The following NRXN1 variants were observed in gnomAD, a reference collection of about 807,000 sequenced individuals.
NRXN1 encodes neurexin 1.
In NRXN1, 39 loss-of-function variants were observed where a neutral mutation model predicts 150.9. That is an observed-to-expected ratio of 0.26 (90% CI 0.20 to 0.34). NRXN1 has a LOEUF of 0.34. Ranked by LOEUF, NRXN1 falls within the 10% of genes least tolerant of loss-of-function variation. The pLI is 1.00. For synonymous variants in NRXN1, 924 were observed against 757.0 expected (o/e 1.22, Z -3.62); for missense variants, 1,815 against 1,949.9 (o/e 0.93, Z 1.30).
intron 17 of NRXN1, among the ~76,000 whole-genome samples, chr2:50,318,134 AG>A (rs995308041): frequency 6.6e-6 from 1 of 152,102 alleles, no homozygotes; most frequent in African/African-American, 2.4e-5. Context: ...ATAATCTAAT[AG>A]GAAAAAAATG....
At chr2:50,293,470 A>T (rs1003791043) in intron 17 of NRXN1, among the ~76,000 whole-genome samples, 2 of 152,210 alleles carry the variant, frequency 1.3e-5, no homozygotes, top group Admixed American at 1.3e-4. Context: ...ATAGGGAAGA[A>T]GCGGGGGAGA....
At chr2:50,152,439 C>CCA in intron 18 of NRXN1, among the ~76,000 whole-genome samples, 1 of 151,818 alleles carries the variant, frequency 6.6e-6, no homozygotes, top group East Asian at 1.9e-4. Flanking sequence ...TCCTTAACCA[C>CCA]AGGGAATATG....
intron 5 of NRXN1, among the ~76,000 whole-genome samples, chr2:50,716,374 G>C (rs959536586): frequency 5.3e-5 from 8 of 151,954 alleles, no homozygotes; most frequent in African/African-American, 1.9e-4. Flanking sequence ...ACTTTGGGAG[G>C]AATCTGTCCA....
intron 18 of NRXN1, among the ~76,000 whole-genome samples, chr2:50,232,736 G>C (rs2065064436): frequency 6.6e-6 from 1 of 151,922 alleles, no homozygotes; most frequent in African/African-American, 2.4e-5. Context: ...TCTGCCATCA[G>C]AAAGTTTATT....
chr2:49,952,080 T>TG (rs1674068599), intron 21 of NRXN1, among the ~76,000 whole-genome samples: 1 of 152,022 alleles, frequency 6.6e-6, no homozygotes, highest in African/African-American at 2.4e-5. Context: ...AAATTTTAAT[T>TG]GGCCACAGTT....
chr2:50,897,031 T>C (rs768150899), intron 5 of NRXN1, among the ~76,000 whole-genome samples: 6 of 152,052 alleles, frequency 3.9e-5, no homozygotes, highest in Non-Finnish European at 8.8e-5. Flanking sequence ...GTCTGAAAAT[T>C]CTCCTAGAAA....
chr2:50,075,585 G>C (rs1696958719), intron 19 of NRXN1, among the ~76,000 whole-genome samples: 1 of 152,182 alleles, frequency 6.6e-6, no homozygotes, highest in African/African-American at 2.4e-5. Context: ...AAATGTTCCA[G>C]ATTGCCTCAA....
chr2:50,402,559 TAC>T (rs1329778953), intron 17 of NRXN1, among the ~76,000 whole-genome samples: 8 of 152,102 alleles, frequency 5.3e-5, no homozygotes, highest in African/African-American at 1.9e-4. Flanking sequence ...GCTGGTCGAT[TAC>T]GGAAGTAGTA....
At chr2:50,580,030 G>A (rs886845069) in intron 8 of NRXN1, among the ~76,000 whole-genome samples, 3 of 152,124 alleles carry the variant, frequency 2.0e-5, no homozygotes, top group African/African-American at 7.2e-5. Context: ...TTCCCATGAG[G>A]TTTGAGAACA....
chr2:50,549,265 A>T (rs1252820878), intron 9 of NRXN1, among the ~76,000 whole-genome samples: 2 of 152,184 alleles, frequency 1.3e-5, no homozygotes, highest in African/African-American at 2.4e-5. Flanking sequence ...AAACCAATGC[A>T]GTGTGCAAAT....
intron 17 of NRXN1, among the ~76,000 whole-genome samples, chr2:50,437,661 G>C (rs2085558692): frequency 6.6e-6 from 1 of 152,040 alleles, no homozygotes; most frequent in Admixed American, 6.6e-5. Flanking sequence ...AATTATGCTA[G>C]TCAGTTCCTA....
chr2:50,169,534 G>T (rs1294085252), intron 18 of NRXN1, among the ~76,000 whole-genome samples: 1 of 152,028 alleles, frequency 6.6e-6, no homozygotes, highest in Non-Finnish European at 1.5e-5. Context: ...CCAACACAGT[G>T]AAACCCCATC....
intron 5 of NRXN1, among the ~76,000 whole-genome samples, chr2:50,691,111 T>G (rs1692010287): frequency 6.6e-6 from 1 of 152,314 alleles, no homozygotes; most frequent in Non-Finnish European, 1.5e-5. Flanking sequence ...ATGACCATAA[T>G]TTCTTTATAG....
intron 21 of NRXN1, among the ~76,000 whole-genome samples, chr2:49,983,213 T>C (rs924318632): frequency 6.6e-6 from 1 of 152,194 alleles, no homozygotes; most frequent in African/African-American, 2.4e-5. Flanking sequence ...TTCTTTTCTT[T>C]TTCCTAGATT....
intron 17 of NRXN1, among the ~76,000 whole-genome samples, chr2:50,438,691 C>A (rs2085663366): frequency 6.6e-6 from 1 of 152,058 alleles, no homozygotes; most frequent in South Asian, 2.1e-4. Flanking sequence ...TAGACCTGTC[C>A]TAAGTTTTAC....
intron 5 of NRXN1, among the ~76,000 whole-genome samples, chr2:50,823,640 A>G (rs1418960129): frequency 1.3e-5 from 2 of 152,144 alleles, no homozygotes; most frequent in African/African-American, 4.8e-5. Flanking sequence ...TCTACATGCT[A>G]ATTAAGTACG....
chr2:50,680,821 T>C (rs1038770394), intron 5 of NRXN1, among the ~76,000 whole-genome samples: 8 of 152,040 alleles, frequency 5.3e-5, no homozygotes, highest in African/African-American at 1.9e-4. Flanking sequence ...GATTCAAGGT[T>C]ATGCTATTCA....
At chr2:50,957,419 G>A (rs1015893691) in intron 2 of NRXN1, among the ~76,000 whole-genome samples, 6 of 152,104 alleles carry the variant, frequency 3.9e-5, no homozygotes, top group African/African-American at 1.4e-4. Context: ...ATCATAACTG[G>A]GAGTGGATAT....
intron 17 of NRXN1, among the ~76,000 whole-genome samples, chr2:50,313,532 A>G (rs927798442): frequency 2.6e-5 from 4 of 152,128 alleles, no homozygotes; most frequent in African/African-American, 9.7e-5. Flanking sequence ...GCTAGCAAGC[A>G]TTAGACCCCG....
Sources: gnomAD v4.1 joint callset for allele counts (sites outside exome capture counted in the v4.1 genomes callset) on GRCh38, gnomAD v4.1.1 for gene constraint, MANE v1.5 for transcripts, NCBI Gene and HGNC (gene_info 2026-07-23, HGNC 2026-07-21) for gene names.